ADAMTS16: variants seen among roughly 807,000 people sequenced by gnomAD.
ADAMTS16 encodes the protein A disintegrin and metalloproteinase with thrombospondin motifs 16.
A neutral mutation model predicts 145.8 loss-of-function variants in ADAMTS16; 94 were observed. That is an observed-to-expected ratio of 0.64 (90% CI 0.55 to 0.77). ADAMTS16 has a LOEUF of 0.77. Among genes scored for constraint, ADAMTS16 ranks in the 30% least tolerant of loss-of-function variants. The pLI is 0.00. For missense variants in ADAMTS16, 1,585 were observed against 1,591.5 expected (o/e 1.00, Z 0.07); for synonymous variants, 659 against 604.3 (o/e 1.09, Z -1.33).
At chr5:5,237,978 C>G (rs867124983) in intron 14 of ADAMTS16, among the ~76,000 whole-genome samples, 16 of 152,144 alleles carry the variant, frequency 1.1e-4, no homozygotes, top group African/African-American at 3.9e-4. Flanking sequence ...ATCTGCATAT[C>G]CTACGGAGTC....
intron 10 of ADAMTS16, 121 bp from the exon 11 acceptor site, chr5:5,222,668 G>A (rs1355408983): frequency 4.0e-6 from 3 of 750,912 alleles, no homozygotes; most frequent in Non-Finnish European, 4.5e-6. Context: ...ATATTGCTAA[G>A]TAGGCATTCG....
Position 5,311,000 on chromosome 5 carries a change from T to C in ADAMTS16, c.3411+4272T>C, listed in dbSNP as rs766162212. 6.6e-6 allele frequency among the ~76,000 whole-genome samples: 1 copy of C among 152,110 alleles called. No individual in the cohort carries two copies. Among genetic ancestry groups the C allele is most frequent in the Non-Finnish European group, 1.5e-5 (1 of 68,014 alleles). ...GTGAGCAGCAGGGGCTGGATCTCACTGAATGCCCGTGGCTTCTGCTGGCAA... is the reference window on the plus strand; with the variant it reads ...GTGAGCAGCAGGGGCTGGATCTCACCGAATGCCCGTGGCTTCTGCTGGCAA... On this transcript the variant is annotated intron_variant, in intron 21 of 22. Coordinates refer to ENST00000274181, the MANE Select transcript of ADAMTS16 (RefSeq NM_139056.4). This position sits in a 1 kb window ranked among gnomAD's most constrained non-coding sequence, Gnocchi z 4.3.
intron 18 of ADAMTS16, among the ~76,000 whole-genome samples, chr5:5,274,318 G>A (rs1330232389): frequency 1.3e-5 from 2 of 152,052 alleles, no homozygotes; most frequent in Non-Finnish European, 2.9e-5. Flanking sequence ...GTATAATATA[G>A]GGGAGCTTCA....
intron 17 of ADAMTS16, among the ~76,000 whole-genome samples, chr5:5,252,559 G>A (rs961041623): frequency 2.0e-5 from 3 of 152,028 alleles, no homozygotes; most frequent in Admixed American, 6.6e-5. Context: ...GATCATTAGC[G>A]GACCGCCCCC....
At chr5:5,225,266 T>C (rs184787593) in intron 11 of ADAMTS16, among the ~76,000 whole-genome samples, 1 of 152,214 alleles carries the variant, frequency 6.6e-6, no homozygotes, top group East Asian at 1.9e-4. Flanking sequence ...GGACCTGTGA[T>C]CCCTGCTCTT....
intron 11 of ADAMTS16, among the ~76,000 whole-genome samples, chr5:5,229,206 G>A (rs533424610): frequency 6.7e-6 from 1 of 149,480 alleles, no homozygotes; most frequent in East Asian, 2.0e-4. Flanking sequence ...GCTGAGGCAG[G>A]AGAATGGCAT....
At chr5:5,285,387 T>C (rs1465789097) in intron 18 of ADAMTS16, among the ~76,000 whole-genome samples, 1 of 152,208 alleles carries the variant, frequency 6.6e-6, no homozygotes, top group African/African-American at 2.4e-5. Context: ...GGGATGCGCC[T>C]TTAGTCTACC....
chr5:5,236,944 G>A (rs1298691689), intron 13 of ADAMTS16, 25 bp from the exon 14 acceptor site: 4 of 1,595,610 alleles, frequency 2.5e-6, no homozygotes, highest in Non-Finnish European at 2.6e-6. Context: ...TCTTATTTGT[G>A]TTTGTGTGTG....
intron 18 of ADAMTS16, among the ~76,000 whole-genome samples, chr5:5,263,156 T>C (rs181042074): frequency 6.6e-6 from 1 of 152,174 alleles, no homozygotes; most frequent in Non-Finnish European, 1.5e-5. Context: ...GAAGAACCCA[T>C]CACAAGGCCT....
At chr5:5,314,409 C>G (rs748744119) in intron 21 of ADAMTS16, among the ~76,000 whole-genome samples, 1 of 152,160 alleles carries the variant, frequency 6.6e-6, no homozygotes, top group Non-Finnish European at 1.5e-5. Context: ...TTTTAGGATC[C>G]GTCTGTTTGG....
chr5:5,242,183 G>A lies in ADAMTS16; in HGVS notation c.2654G>A (p.Cys885Tyr), dbSNP rs765288305. The A allele has an allele frequency of 3.1e-6, 5 of 1,613,900 alleles. No individual in the cohort carries two copies. The highest frequency in any genetic ancestry group is 3.4e-6 in the Non-Finnish European group (4 of 1,180,000). The change falls in exon 17 of 23, where the codon TGC (cysteine) becomes TAC (tyrosine). Residue 885 changes from cysteine to tyrosine, a missense_variant. Physicochemically the swap from Cys to Tyr is radical, Grantham distance 194 (BLOSUM62 -2). This residue lies in a region of ADAMTS16 where 834 missense variants were observed against 811.7 expected (regional missense o/e 1.03). Transcript: ENST00000274181. ...AIVRSECSVSCGGGQMTVREG... is the reference protein window; with the variant it reads ...AIVRSECSVSYGGGQMTVREG... ...GTGCGCTCTGAGTGCTCCGTGTCCT[G>A]CGGAGGGGGTAGGTGCCTTCCAGTG... is the stretch of plus-strand genomic sequence containing the variant.
chr5:5,304,499 C>T (rs535955341), intron 20 of ADAMTS16, among the ~76,000 whole-genome samples: 6 of 152,184 alleles, frequency 3.9e-5, no homozygotes, highest in African/African-American at 1.4e-4. Flanking sequence ...GAGAGATCAC[C>T]GTAACCCAGA....
At chr5:5,263,603 G>C (rs1035167171) in intron 18 of ADAMTS16, among the ~76,000 whole-genome samples, 2 of 152,208 alleles carry the variant, frequency 1.3e-5, no homozygotes, top group Non-Finnish European at 2.9e-5. Flanking sequence ...GAAGACACAG[G>C]AGCAAGCTCT....
intron 3 of ADAMTS16, among the ~76,000 whole-genome samples, chr5:5,177,465 GA>G (rs1435120668): frequency 1.3e-5 from 2 of 152,170 alleles, no homozygotes; most frequent in African/African-American, 4.8e-5. Context: ...GTAGTGGAGA[GA>G]GGAACAAAAA....
rs918156657 is a variant in ADAMTS16, at chr5:5,232,411, C to T, written c.1745C>T (p.Pro582Leu). ...GQCVKYGDEG[P>L]KPTHGHWSDW... is the part of the protein sequence containing the mutation. ...TGTGTGAAATATGGTGATGAAGGCC[C>T]CAAGCCCACCCATGGCCACTGGTCG... is the stretch of plus-strand genomic sequence containing the variant. Residue 582 changes from proline (P) to leucine (L), a missense_variant, in exon 12 of 23, where the codon CCC becomes CTC. Physicochemically the swap from Pro to Leu is moderately conservative, Grantham distance 98. Transcript: ENST00000274181. 20 of 1,613,902 alleles carry T rather than the reference C, an allele frequency of 1.2e-5. No homozygotes were observed. The highest frequency in any genetic ancestry group is 1.6e-5 in the Non-Finnish European group (19 of 1,179,984).
intron 18 of ADAMTS16, among the ~76,000 whole-genome samples, chr5:5,280,984 T>C (rs1160750324): frequency 6.6e-6 from 1 of 152,216 alleles, no homozygotes; most frequent in African/African-American, 2.4e-5. Flanking sequence ...TACTGAATTA[T>C]AGTAGAAAAT....
intron 9 of ADAMTS16, among the ~76,000 whole-genome samples, chr5:5,208,307 A>G (rs1455128393): frequency 1.3e-5 from 2 of 152,124 alleles, no homozygotes; most frequent in South Asian, 2.1e-4. Flanking sequence ...TTGTGATTCT[A>G]GGTTTTTGTT....
chr5:5,273,390 G>A (rs921003641), intron 18 of ADAMTS16, among the ~76,000 whole-genome samples: 7 of 152,198 alleles, frequency 4.6e-5, no homozygotes, highest in African/African-American at 1.7e-4. Flanking sequence ...TGATGTGGTG[G>A]CACACGCCTG....
At chr5:5,305,308 CCCACACCACACACACACAT>C (rs1740061453) in intron 20 of ADAMTS16, among the ~76,000 whole-genome samples, 2 of 81,832 alleles carry the variant, frequency 2.4e-5, no homozygotes, top group African/African-American at 4.4e-5. Context: ...ACACACACAT[CCCACACCACACACACACAT>C]CCACACCACA....
Sources: allele counts gnomAD v4.1 joint callset (sites outside exome capture counted in the v4.1 genomes callset), GRCh38; gene constraint gnomAD v4.1.1; regional missense constraint gnomAD v4.1.1; non-coding constraint Gnocchi (gnomAD v3.1); transcripts MANE v1.5; gene names NCBI Gene and HGNC (gene_info 2026-07-23, HGNC 2026-07-21).